ABCC10: variants seen among roughly 807,000 people sequenced by gnomAD.
ABCC10 encodes the protein ATP-binding cassette sub-family C member 10.
A neutral mutation model predicts 143.2 loss-of-function variants in ABCC10; 110 were observed. The observed-to-expected ratio is 0.77, with a 90% CI of 0.66 to 0.90. The LOEUF is 0.90. Among genes scored for constraint, ABCC10 ranks in the 40% least tolerant of loss-of-function variants. The pLI, the probability that ABCC10 is intolerant of heterozygous loss-of-function variation, is 0.00. For missense variants in ABCC10, 1,700 were observed against 1,900.5 expected, an observed-to-expected ratio of 0.89 and a Z score of 1.96; for synonymous variants, 805 against 846.7, an observed-to-expected ratio of 0.95 and a Z score of 0.85.
At chr6:43,440,986 CT>C (rs1782383395) in intron 8 of ABCC10, among the ~76,000 whole-genome samples, 1 of 151,812 alleles carries the variant, frequency 6.6e-6, no homozygotes, top group African/African-American at 2.4e-5. Flanking sequence ...ACCTGTAGTC[CT>C]AGCTACTCTG....
chr6:43,450,557 T>C (rs1270473215), downstream of ABCC10: 1 of 1,566,300 alleles, frequency 6.4e-7, no homozygotes, highest in Non-Finnish European at 8.7e-7. This position sits in a 1 kb window ranked among gnomAD's most constrained non-coding sequence, Gnocchi z 4.5. Flanking sequence ...CTGTGGTCTT[T>C]CCAGGCTCAG....
intron 18 of ABCC10, 139 bp from the exon 19 acceptor site, chr6:43,448,742 G>A: frequency 9.6e-7 from 1 of 1,040,850 alleles, no homozygotes; most frequent in Non-Finnish European, 1.4e-6. Context: ...GGTGGGGATG[G>A]GGTGGGGAGC....
At chr6:43,440,200 G>A (rs1011180080) in intron 8 of ABCC10, among the ~76,000 whole-genome samples, 33 of 151,926 alleles carry the variant, frequency 2.2e-4, no homozygotes, top group Admixed American at 7.2e-4. Flanking sequence ...CAAGTGATCC[G>A]CCCGCCTTGG....
intron 4 of ABCC10, chr6:43,435,281 C>T: frequency 5.5e-6 from 1 of 181,908 alleles, no homozygotes; most frequent in South Asian, 1.3e-4. Flanking sequence ...ACCTGTAATT[C>T]CAGCACTTTG....
intron 8 of ABCC10, among the ~76,000 whole-genome samples, chr6:43,440,856 T>A (rs1233012566): frequency 1.9e-5 from 2 of 102,990 alleles, no homozygotes; most frequent in African/African-American, 3.4e-5. Context: ...AGAGTGAGAC[T>A]CCGTCTCAAA....
intron 18 of ABCC10, chr6:43,448,159 A>G (rs1581793203): frequency 4.1e-6 from 3 of 724,370 alleles, no homozygotes; most frequent in African/African-American, 3.5e-5. Flanking sequence ...GACCCAGGCC[A>G]CCTTTCCAGC....
intron 2 of ABCC10, chr6:43,431,826 G>A: frequency 2.5e-6 from 3 of 1,223,458 alleles, no homozygotes; most frequent in Non-Finnish European, 3.1e-6. Context: ...TTCATGTTAA[G>A]TACAATCTTA....
intron 2 of ABCC10, among the ~76,000 whole-genome samples, chr6:43,428,378 C>G (rs898090495): frequency 4.6e-5 from 7 of 152,258 alleles, no homozygotes; most frequent in Admixed American, 4.6e-4. Context: ...TATAGTGCAG[C>G]GCCTGGCATG....
At chr6:43,446,053 G>A (rs1223748405) in intron 15 of ABCC10, 111 bp downstream of exon 15, 19 of 1,271,956 alleles carry the variant, frequency 1.5e-5, no homozygotes, top group Non-Finnish European at 2.1e-6. Flanking sequence ...TGGGGACAAG[G>A]GATGGGGAAG....
In ABCC10 at chr6:43,445,454, T is replaced by G. The variant is rs1387677236; in HGVS notation, c.3030+140T>G. On this transcript the variant is annotated intron_variant, in intron 14 of 21. Coordinates refer to ENST00000372530, the MANE Select transcript of ABCC10 (RefSeq NM_001198934.2). ...TTCCTCAACCTCTGCCAATCTCTCTTCTCTGCCCCCAAATTCTGGGGATAT... is the reference window on the plus strand; with the variant it reads ...TTCCTCAACCTCTGCCAATCTCTCTGCTCTGCCCCCAAATTCTGGGGATAT... 2.2e-6 allele frequency: 3 copies of G among 1,351,226 alleles called. No individual in the cohort carries two copies. The Admixed American group carries it at 6.4e-5, about 29-fold the overall frequency. 83.7% of individuals were successfully genotyped at this position (1,351,226 alleles called of 1,614,324 possible). A position where few individuals can be genotyped will look rare whatever the true frequency, so the allele number is the denominator to read the frequency against.
rs148186656 is a variant in ABCC10, at chr6:43,443,973, C to T, written c.2457C>T (p.Pro819=). 2.5e-6 allele frequency: 4 copies of T among 1,614,074 alleles called. No individual in the cohort carries two copies. Among genetic ancestry groups the T allele is most frequent in the Non-Finnish European group, 2.5e-6 (3 of 1,180,010 alleles). The change falls in exon 11 of 22, where the codon CCC becomes CCT. Residue 819 remains proline (P), a synonymous_variant. Transcript: ENST00000372530. The surrounding 1 kb of genome is among the most constrained non-coding windows in gnomAD (Gnocchi z 4.2). ...SEILPLVQAV[P]KAWAENGQES... ...TTCTGCCACTGGTACAAGCTGTCCC[C>T]AAAGCCTGGGCTGAGAATGGACAAG...
chr6:43,444,897 C>G lies in ABCC10; in HGVS notation c.2799C>G (p.Leu933=). The change falls in exon 13 of 22, where the codon CTC becomes CTG. Residue 933 remains leucine, a synonymous_variant. Coordinates refer to ENST00000372530, the MANE Select transcript of ABCC10 (RefSeq NM_001198934.2). ...QPSTSPASMG[L]FSPQLLLFSP... Reference sequence around the variant, plus strand: ...CCACCAGCCCAGCTTCTATGGGGCTCTTCTCTCCGCAGCTGCTCCTCTTTT... The same window carrying G: ...CCACCAGCCCAGCTTCTATGGGGCTGTTCTCTCCGCAGCTGCTCCTCTTTT... 6.2e-7 allele frequency: 1 copy of G among 1,614,024 alleles called. No individual in the cohort carries two copies.
chr6:43,448,025 A>C, intron 18 of ABCC10, 88 bp downstream of exon 18: 1 of 1,565,922 alleles, frequency 6.4e-7, no homozygotes, highest in South Asian at 1.1e-5. Context: ...CTTTATATAA[A>C]CTCACAGCAG....
Position 43,443,069 on chromosome 6 carries a change from A to C in ABCC10, c.2326A>C (p.Thr776Pro). ...GTGCATCCTGGGCATGCTGAGCTAC[A>C]CCACACGGCTGCTCTGCACCCACCG... The part of the protein sequence containing the change: ...HRCILGMLSY[T>P]TRLLCTHRTE... The change falls in exon 10 of 22, where the codon ACC becomes CCC. Residue 776 changes from threonine to proline, a missense_variant. Transcript: ENST00000372530. The surrounding 1 kb of genome is among the most constrained non-coding windows in gnomAD (Gnocchi z 4.2). 6.2e-7 allele frequency: 1 copy of C among 1,612,812 alleles called. No homozygotes were observed. The highest frequency in any genetic ancestry group is 1.1e-5 in the South Asian group (1 of 91,036).
intron 18 of ABCC10, 130 bp from the exon 19 acceptor site, chr6:43,448,750 AG>A (rs1783415799): frequency 8.8e-7 from 1 of 1,133,466 alleles, no homozygotes; most frequent in African/African-American, 1.6e-5. Flanking sequence ...TGGGGTGGGG[AG>A]CAGAGTGGGG....
At chr6:43,446,055 A>T (rs2127409073) in intron 15 of ABCC10, 113 bp downstream of exon 15, 1 of 1,271,618 alleles carries the variant, frequency 7.9e-7, no homozygotes, top group East Asian at 2.5e-5. Flanking sequence ...GGGACAAGGG[A>T]TGGGGAAGGA....
rs934781012 is a variant in ABCC10 at position 43,436,008 on chromosome 6, C to T, written c.1765+101C>T. 29 of 1,596,162 alleles carry T rather than the reference C, an allele frequency of 1.8e-5. No homozygotes were observed. In the Admixed American group the frequency reaches 3.1e-4, roughly 17 times the overall value. On this transcript the variant is annotated intron_variant, in intron 5 of 21. Transcript: ENST00000372530. ...TGTCACCAAGAGGGCTTAGAGAGAG[C>T]GGAATCCAAAACAGACTCATTTAGC...
At chr6:43,451,984 A>T (rs372062583), downstream of ABCC10, 3 of 1,614,142 alleles carry the variant, frequency 1.9e-6, no homozygotes, top group South Asian at 3.3e-5. The surrounding 1 kb of genome is among the most constrained non-coding windows in gnomAD (Gnocchi z 4.4). Context: ...AGTCACGCCC[A>T]TGGAAGCCTG....
In ABCC10 at chr6:43,435,827, T is replaced by C; in HGVS notation, c.1685T>C (p.Leu562Pro). The C allele has an allele frequency of 6.2e-7, 1 of 1,614,206 alleles. No homozygotes were observed. ...TTCCCTTGGGTGATCAATGGTCTCC[T>C]GGAGGCCAAAGTGTCCTTGGACCGG... is the stretch of plus-strand genomic sequence containing the variant. The part of the protein sequence containing the change: ...NNFPWVINGL[L>P]EAKVSLDRIQ... Residue 562 changes from leucine (L) to proline (P), a missense_variant, in exon 5 of 22, where the codon CTG (leucine) becomes CCG (proline). By Grantham distance (98) the Leu-to-Pro change is moderately conservative. Coordinates refer to ENST00000372530, the MANE Select transcript of ABCC10 (RefSeq NM_001198934.2).
Sources: allele counts gnomAD v4.1 joint callset (sites outside exome capture counted in the v4.1 genomes callset), GRCh38; gene constraint gnomAD v4.1.1; non-coding constraint Gnocchi (gnomAD v3.1); transcripts MANE v1.5; gene names NCBI Gene and HGNC (gene_info 2026-07-23, HGNC 2026-07-21).